Variants in LAMB1 observed in about 807,000 individuals in gnomAD.
LAMB1 encodes laminin subunit beta-1.
A neutral mutation model predicts 222.3 loss-of-function variants in LAMB1; 121 were observed. The ratio of observed to expected loss-of-function variants is 0.54; its 90% confidence interval spans 0.47 to 0.63. The LOEUF (loss-of-function observed/expected upper bound fraction) is 0.63, where lower values mean the gene tolerates loss of function less well. LAMB1 is among the 30% of genes least tolerant of loss of function. LAMB1 has a pLI of 0.00. For synonymous variants in LAMB1, 794 were observed against 807.2 expected (o/e 0.98, Z 0.28); for missense variants, 2,172 against 2,240.8 (o/e 0.97, Z 0.62).
chr7:107,986,391 G>T, intron 5 of LAMB1, 28 bp from the exon 6 acceptor site: 1 of 1,548,192 alleles, frequency 6.5e-7, no homozygotes, highest in South Asian at 1.2e-5. Flanking sequence ...AATCTCATTT[G>T]ATGTTTTTTA....
chr7:107,980,860 G>T (rs1408243005), intron 7 of LAMB1, 49 bp from the exon 8 acceptor site: 12 of 917,406 alleles, frequency 1.3e-5, no homozygotes, highest in South Asian at 3.2e-5. Flanking sequence ...CAAGCAAGAA[G>T]TTTTTTTTTT....
At chr7:107,943,897 C>T (rs1172220754) in intron 24 of LAMB1, among the ~76,000 whole-genome samples, 1 of 152,170 alleles carries the variant, frequency 6.6e-6, no homozygotes, top group African/African-American at 2.4e-5. Context: ...AGAATCACGA[C>T]TTCGGAAGTT....
chr7:107,962,722 A>G (rs189346004), intron 15 of LAMB1, among the ~76,000 whole-genome samples, 183 bp downstream of exon 15: 2,535 of 151,496 alleles, frequency 0.017, 27 homozygotes, highest in Non-Finnish European at 0.024. Flanking sequence ...AAAAAAAAAA[A>G]AAAGAAAGAA....
intron 4 of LAMB1, among the ~76,000 whole-genome samples, 188 bp from the exon 5 acceptor site, chr7:107,995,148 G>T (rs1191871364): frequency 6.6e-6 from 1 of 152,186 alleles, no homozygotes; most frequent in Non-Finnish European, 1.5e-5. Flanking sequence ...AGCACAAGTT[G>T]AATGATTCTT....
rs543086089 is a variant in LAMB1, at chr7:107,960,738, C to A, written c.2110-89G>T. 5 of 1,001,708 alleles carry A rather than the reference C, an allele frequency of 5.0e-6. No individual in the cohort carries two copies. The Admixed American group carries it at 5.8e-5, about 12-fold the overall frequency. 62.1% of individuals were successfully genotyped at this position (1,001,708 alleles called of 1,614,324 possible). ...AGCAAACGTGTAGAAAACCCAAATG[C>A]TTCTTTGACCCTTGAACAGAAATCA... On this transcript the variant is annotated intron_variant, in intron 17 of 33. Coordinates refer to ENST00000222399, the MANE Select transcript of LAMB1 (RefSeq NM_002291.3).
intron 25 of LAMB1, among the ~76,000 whole-genome samples, chr7:107,938,178 G>A (rs1056648687): frequency 1.3e-5 from 2 of 152,170 alleles, no homozygotes; most frequent in African/African-American, 4.8e-5. Context: ...AAAATGTAAA[G>A]ATGCTGAAAG....
intron 5 of LAMB1, among the ~76,000 whole-genome samples, chr7:107,990,690 T>G (rs1260064149): frequency 2.0e-5 from 3 of 152,242 alleles, no homozygotes; most frequent in Non-Finnish European, 2.9e-5. Context: ...CATTTCATGG[T>G]TCAGCTTTTG....
chr7:107,980,511 C>T, intron 8 of LAMB1, 98 bp downstream of exon 8: 3 of 977,866 alleles, frequency 3.1e-6, no homozygotes, highest in Non-Finnish European at 4.8e-6. Flanking sequence ...AAAACTAAAA[C>T]CCCCAGAAAA....
intron 7 of LAMB1, 31 bp downstream of exon 7, chr7:107,985,990 CA>C (rs767196794): frequency 6.5e-7 from 1 of 1,529,748 alleles, no homozygotes; most frequent in Non-Finnish European, 9.0e-7. Flanking sequence ...AACAAACTAA[CA>C]AAAAACACTT....
intron 31 of LAMB1, 113 bp from the exon 32 acceptor site, chr7:107,926,472 A>C: frequency 1.3e-6 from 1 of 744,866 alleles, no homozygotes; most frequent in East Asian, 2.7e-5. Flanking sequence ...TCTAGACCAA[A>C]AGAAGTAATT....
chr7:107,961,550 T>G lies in LAMB1; in HGVS notation c.1984A>C (p.Arg662=). Residue 662 remains arginine, a splice_region_variant and synonymous_variant, in exon 16 of 34, where the codon AGA becomes CGA. Transcript: ENST00000222399. The part of the protein sequence containing the change: ...NQVVSLSPGS[R]YVVLPRPVCF... ...CTGCCAAACCACCGTCACACTGACC[T>G]TGAGCCTGGTGATAATGACACCACC... 6.2e-7 allele frequency: 1 copy of G among 1,613,352 alleles called. No individual in the cohort carries two copies. Among genetic ancestry groups the G allele is most frequent in the Non-Finnish European group, 8.5e-7 (1 of 1,179,306 alleles).
At chr7:107,936,753 T>A (rs1378114581) in intron 26 of LAMB1, among the ~76,000 whole-genome samples, 5 of 152,150 alleles carry the variant, frequency 3.3e-5, no homozygotes, top group Admixed American at 6.5e-5. Flanking sequence ...GCAGAAGTAT[T>A]AATACCTTAA....
intron 14 of LAMB1, 26 bp from the exon 15 acceptor site, chr7:107,963,089 T>C (rs1260066400): frequency 1.3e-6 from 2 of 1,551,914 alleles, no homozygotes; most frequent in East Asian, 2.3e-5. Flanking sequence ...ACAATGGTTA[T>C]TCTGTATTTG....
intron 20 of LAMB1, among the ~76,000 whole-genome samples, chr7:107,957,570 G>A (rs2033404946): frequency 6.6e-6 from 1 of 152,140 alleles, no homozygotes; most frequent in Non-Finnish European, 1.5e-5. Context: ...CTAGAAGCTG[G>A]ATATCCTAAC....
intron 24 of LAMB1, among the ~76,000 whole-genome samples, chr7:107,941,028 A>G (rs2032968769): frequency 1.3e-5 from 2 of 152,226 alleles, no homozygotes; most frequent in South Asian, 4.1e-4. Flanking sequence ...AGTATAATCT[A>G]ACTTGGGGGT....
At position 107,923,993 on chromosome 7, in the gene LAMB1, C is replaced by T. The variant is rs755468191; in HGVS notation, c.5319G>A (p.Lys1773=). ...ACACAGCAACTTTCTGGCTTATATC[C>T]TTTAGGAGTGAACGGACTTCTCCTT... ...RLEGEVRSLL[K]DISQKVAVYS... Residue 1773 remains lysine, a synonymous_variant, in exon 34 of 34, where the codon AAG becomes AAA. Coordinates refer to ENST00000222399, the MANE Select transcript of LAMB1 (RefSeq NM_002291.3). The T allele has an allele frequency of 1.2e-5, 19 of 1,607,180 alleles. No homozygotes were observed. The highest frequency in any genetic ancestry group is 5.2e-5 in the Admixed American group (3 of 57,876).
chr7:107,990,926 A>G (rs1240723638), intron 5 of LAMB1, among the ~76,000 whole-genome samples: 1 of 152,196 alleles, frequency 6.6e-6, no homozygotes, highest in African/African-American at 2.4e-5. Flanking sequence ...GTAACCCTCC[A>G]TTAATGCTTC....
Position 107,975,330 on chromosome 7 carries a change from G to C in LAMB1, c.1273C>G (p.Gln425Glu). 1 of 1,613,878 alleles carries C rather than the reference G, an allele frequency of 6.2e-7. No individual in the cohort carries two copies. Among genetic ancestry groups the C allele is most frequent in the Non-Finnish European group, 8.5e-7 (1 of 1,179,870 alleles). The stretch of plus-strand genomic sequence containing the variant: ...TCCACATTTAATTTACACCGACACT[G>C]GCCAGCAATGAGACCAGTAGAAAAA... ...TDFSTGLIAG[Q>E]CRCKLNVEGE... Residue 425 changes from glutamine (Q) to glutamate (E), a missense_variant, in exon 11 of 34, where the codon CAG (glutamine) becomes GAG (glutamate). Physicochemically the swap from Gln to Glu is conservative, Grantham distance 29. Transcript: ENST00000222399.
intron 7 of LAMB1, among the ~76,000 whole-genome samples, chr7:107,982,494 A>C (rs755480934): frequency 6.6e-6 from 1 of 152,230 alleles, no homozygotes; most frequent in Non-Finnish European, 1.5e-5. Flanking sequence ...AAAATCAAAA[A>C]CTAAACAGAG....
Sources: allele counts gnomAD v4.1 joint callset (sites outside exome capture counted in the v4.1 genomes callset), GRCh38; gene constraint gnomAD v4.1.1; transcripts MANE v1.5; gene names NCBI Gene and HGNC (gene_info 2026-07-23, HGNC 2026-07-21).